Variants in GPC4 observed in about 807,000 individuals in gnomAD.
GPC4 encodes the protein glypican 4, also known as glypican-4.
Under a neutral mutation model 35.0 loss-of-function variants are expected in GPC4, and 10 were observed. The observed-to-expected ratio is 0.29, with a 90% confidence interval of 0.18 to 0.48. The LOEUF is 0.48. Ranked by LOEUF, GPC4 falls within the 20% of genes least tolerant of loss-of-function variation. GPC4 has a pLI of 0.99. For missense variants in GPC4, 322 were observed against 451.3 expected, an observed-to-expected ratio of 0.71 and a Z score of 2.60; for synonymous variants, 167 against 170.2, an observed-to-expected ratio of 0.98 and a Z score of 0.15.
At chrX:133,362,992 C>T (rs950205487) in intron 1 of GPC4, among the ~76,000 whole-genome samples, 5 of 111,553 alleles carry the variant, frequency 4.5e-5, no homozygotes, top group East Asian at 2.8e-4. Flanking sequence ...ATGTCAGCTA[C>T]GATTTGCTAT....
In GPC4 at chrX:133,325,366, GA is replaced by G. The variant is rs771430383; in HGVS notation, c.320-831del. Among the ~76,000 whole-genome samples, 3 of 110,395 alleles carry G rather than the reference GA, an allele frequency of 2.7e-5. No individual in the cohort carries two copies. The South Asian group carries it at 1.2e-3, about 43-fold the overall frequency. On this transcript the variant is annotated intron_variant, in intron 2 of 8. Coordinates refer to ENST00000370828, the MANE Select transcript of GPC4 (RefSeq NM_001448.3). The stretch of plus-strand genomic sequence containing the variant: ...ATATAGCATATTTATGAGACAACAT[GA>G]AAAAAACTGAAAAATGTAAATGAGA...
At chrX:133,401,118 G>A (rs1182419557) in intron 1 of GPC4, among the ~76,000 whole-genome samples, 1 of 111,240 alleles carries the variant, frequency 9.0e-6, no homozygotes, top group Non-Finnish European at 1.9e-5. Context: ...AGACCAACAT[G>A]GCTAGAGTGG....
At chrX:133,313,134 G>A (rs753863009) in intron 3 of GPC4, among the ~76,000 whole-genome samples, 171 of 111,674 alleles carry the variant, frequency 1.5e-3, no homozygotes, top group African/African-American at 5.4e-3. Context: ...AGGGCAGCCC[G>A]GCAATGCACT....
At chrX:133,332,000 T>G (rs1603068110) in intron 2 of GPC4, among the ~76,000 whole-genome samples, 1 of 111,263 alleles carries the variant, frequency 9.0e-6, no homozygotes, top group Non-Finnish European at 1.9e-5. Flanking sequence ...AGTAACTATT[T>G]CCCTTTATTC....
In GPC4 at chrX:133,324,178, C is replaced by G; in HGVS notation, c.678G>C (p.Ala226=). The part of the protein sequence containing the change: ...VAARTFAQGL[A]VAGDVVSKVS... ...CCTTGCTCACGACATCTCCCGCAAC[C>G]GCTAAGCCTTGAGCGAAAGTACGGG... The change falls in exon 3 of 9, where the codon GCG becomes GCC. Residue 226 remains alanine (A), a synonymous_variant. Coordinates refer to ENST00000370828, the MANE Select transcript of GPC4 (RefSeq NM_001448.3). 1 of 1,209,418 alleles carries G rather than the reference C, an allele frequency of 8.3e-7. No homozygotes were observed. The highest frequency in any genetic ancestry group is 1.1e-6 in the Non-Finnish European group (1 of 894,570).
chrX:133,392,522 C>A (rs781654122), intron 1 of GPC4, among the ~76,000 whole-genome samples: 1 of 108,000 alleles, frequency 9.3e-6, no homozygotes, highest in East Asian at 2.9e-4. Flanking sequence ...ATCTATACAG[C>A]TGCATCTTGT....
chrX:133,349,782 G>A (rs951191021), intron 1 of GPC4, among the ~76,000 whole-genome samples: 17 of 110,916 alleles, frequency 1.5e-4, no homozygotes, highest in South Asian at 3.9e-4. Flanking sequence ...TACCACACCC[G>A]GTTAATTTTT....
chrX:133,373,694 C>G (rs1056289673), intron 1 of GPC4, among the ~76,000 whole-genome samples: 4 of 111,772 alleles, frequency 3.6e-5, no homozygotes, highest in African/African-American at 1.3e-4. Flanking sequence ...CAATTCACTT[C>G]AAGGTTGTCC....
chrX:133,380,242 T>G (rs1302578420), intron 1 of GPC4, among the ~76,000 whole-genome samples: 2 of 109,722 alleles, frequency 1.8e-5, no homozygotes, highest in Non-Finnish European at 3.8e-5. Context: ...GAGGCTGAGG[T>G]GGGAGAATCA....
chrX:133,372,668 A>C (rs1345394091), intron 1 of GPC4, among the ~76,000 whole-genome samples: 1 of 112,128 alleles, frequency 8.9e-6, no homozygotes, highest in African/African-American at 3.2e-5. Context: ...AAGAGCATGC[A>C]CGTGTCTTAC....
At chrX:133,328,300 T>C (rs780842346) in intron 2 of GPC4, among the ~76,000 whole-genome samples, 2 of 111,352 alleles carry the variant, frequency 1.8e-5, no homozygotes, top group Non-Finnish European at 3.8e-5. Context: ...ATTCTACCTA[T>C]GCCTTTTGCC....
Position 133,315,172 on chromosome X carries a change from C to G in GPC4, c.712-3749G>C, listed in dbSNP as rs191909026. On this transcript the variant is annotated intron_variant, in intron 3 of 8. Coordinates refer to ENST00000370828, the MANE Select transcript of GPC4 (RefSeq NM_001448.3). ...AATTATGGTTTGAGCATCCCTAAAC[C>G]GAACACCCAAAATCTGAAATGCTCC... Among the ~76,000 whole-genome samples, 830 of 108,508 alleles carry G rather than the reference C, an allele frequency of 7.6e-3. 7 individuals carry two copies. Among genetic ancestry groups the G allele is most frequent in the Non-Finnish European group, 0.011 (583 of 52,311 alleles). The allele number at this position is 108,508 out of a possible 115,157, so 94.2% of individuals were successfully genotyped here.
chrX:133,395,185 C>T (rs746526358), intron 1 of GPC4, among the ~76,000 whole-genome samples: 61 of 111,482 alleles, frequency 5.5e-4, no homozygotes, highest in Non-Finnish European at 9.6e-4. Context: ...CTACATGATG[C>T]GTTCAAAATA....
At chrX:133,304,981 C>A in intron 6 of GPC4, 120 bp from the exon 7 acceptor site, 2 of 676,815 alleles carry the variant, frequency 3.0e-6, no homozygotes, top group Non-Finnish European at 2.2e-6. Context: ...TCATTTTCAA[C>A]TTTAATTAGA....
intron 1 of GPC4, among the ~76,000 whole-genome samples, chrX:133,396,144 ACTT>A (rs760059324): frequency 8.9e-6 from 1 of 112,000 alleles, no homozygotes; most frequent in Non-Finnish European, 1.9e-5. Flanking sequence ...CGACTGAAAT[ACTT>A]TAAGAACAAA....
chrX:133,329,706 T>C (rs1399106380), intron 2 of GPC4, among the ~76,000 whole-genome samples: 4 of 111,373 alleles, frequency 3.6e-5, no homozygotes, highest in African/African-American at 9.8e-5. Flanking sequence ...CCCATGTATT[T>C]CATTTGCATA....
chrX:133,321,636 G>C (rs1446994558), intron 3 of GPC4, among the ~76,000 whole-genome samples: 1 of 112,243 alleles, frequency 8.9e-6, no homozygotes, highest in Non-Finnish European at 1.9e-5. Context: ...AGGAATTGTT[G>C]AAGGAGGGCA....
chrX:133,332,416 T>C (rs1394326753), intron 2 of GPC4, among the ~76,000 whole-genome samples: 1 of 111,584 alleles, frequency 9.0e-6, no homozygotes, highest in Non-Finnish European at 1.9e-5. Context: ...ATTTTTTTTT[T>C]CGAGACAGAG....
At chrX:133,381,638 T>G (rs948887008) in intron 1 of GPC4, among the ~76,000 whole-genome samples, 1 of 112,666 alleles carries the variant, frequency 8.9e-6, no homozygotes, top group Admixed American at 9.4e-5. Context: ...ACATGCCATA[T>G]GTATGGCAAT....
Sources: gnomAD v4.1 joint callset for allele counts (sites outside exome capture counted in the v4.1 genomes callset) on GRCh38, gnomAD v4.1.1 for gene constraint, MANE v1.5 for transcripts, NCBI Gene and HGNC (gene_info 2026-07-23, HGNC 2026-07-21) for gene names.